CCSER1: variants seen among roughly 807,000 people sequenced by gnomAD.
CCSER1 encodes coiled-coil serine rich protein 1.
Under a neutral mutation model 82.0 loss-of-function variants are expected in CCSER1, and 41 were observed. The observed-to-expected ratio is 0.50, with a 90% CI of 0.39 to 0.65. CCSER1 has a LOEUF of 0.65. Ranked by LOEUF, CCSER1 falls within the 30% of genes least tolerant of loss-of-function variation. The pLI is 0.00. For missense variants in CCSER1, 1,119 were observed against 1,064.2 expected, an observed-to-expected ratio of 1.05 and a Z score of -0.72; for synonymous variants, 414 against 383.9, an observed-to-expected ratio of 1.08 and a Z score of -0.92.
intron 9 of CCSER1, among the ~76,000 whole-genome samples, chr4:90,959,436 G>A (rs1733838548): frequency 6.6e-6 from 1 of 152,122 alleles, no homozygotes; most frequent in African/African-American, 2.4e-5. Flanking sequence ...TAAACAAACT[G>A]AGACTCAGGG....
At chr4:91,271,411 A>AC (rs1169228458) in intron 10 of CCSER1, among the ~76,000 whole-genome samples, 9 of 151,402 alleles carry the variant, frequency 5.9e-5, no homozygotes, top group African/African-American at 1.7e-4. Context: ...TTCATCTCTC[A>AC]CCCCCTTCCC....
chr4:90,381,591 C>T (rs76027216), intron 3 of CCSER1, among the ~76,000 whole-genome samples: 31 of 152,016 alleles, frequency 2.0e-4, no homozygotes, highest in African/African-American at 7.2e-4. Context: ...TAATCATGGT[C>T]ACTTTGTTTC....
chr4:91,311,426 CAT>C (rs1381665937), intron 10 of CCSER1, among the ~76,000 whole-genome samples: 6 of 151,880 alleles, frequency 4.0e-5, no homozygotes, highest in African/African-American at 1.4e-4. Flanking sequence ...GACACTTTGA[CAT>C]AGATTTTTTT....
chr4:91,218,467 G>A (rs1326260327), intron 10 of CCSER1, among the ~76,000 whole-genome samples: 1 of 152,234 alleles, frequency 6.6e-6, no homozygotes, highest in African/African-American at 2.4e-5. Flanking sequence ...CAAAGTGGGA[G>A]CCCAGGCAGG....
chr4:90,608,631 AATAG>A (rs944104949), intron 5 of CCSER1, among the ~76,000 whole-genome samples: 21 of 152,178 alleles, frequency 1.4e-4, no homozygotes, highest in African/African-American at 4.6e-4. Context: ...GTAGATAACT[AATAG>A]ATACTATTAA....
chr4:90,958,713 C>T (rs1292466515), intron 9 of CCSER1, among the ~76,000 whole-genome samples: 1 of 152,134 alleles, frequency 6.6e-6, no homozygotes, highest in African/African-American at 2.4e-5. Flanking sequence ...TCCAGAGTGA[C>T]TGCCACATGA....
chr4:90,825,428 CA>C (rs1025495791), intron 8 of CCSER1, among the ~76,000 whole-genome samples: 3 of 152,054 alleles, frequency 2.0e-5, no homozygotes, highest in Non-Finnish European at 4.4e-5. Context: ...AGTAATTTAA[CA>C]AACGCAACAA....
intron 9 of CCSER1, among the ~76,000 whole-genome samples, chr4:90,993,390 CTATAA>C (rs1340996780): frequency 2.6e-5 from 4 of 151,860 alleles, no homozygotes; most frequent in African/African-American, 9.7e-5. Flanking sequence ...TAATTTGCAG[CTATAA>C]TGGATAACTA....
chr4:91,259,653 C>G (rs960532858), intron 10 of CCSER1, among the ~76,000 whole-genome samples: 1 of 149,846 alleles, frequency 6.7e-6, no homozygotes, highest in Non-Finnish European at 1.5e-5. Context: ...CATGTGTTCT[C>G]ATTGTTCAAC....
intron 10 of CCSER1, among the ~76,000 whole-genome samples, chr4:91,326,218 G>A (rs552887465): frequency 2.6e-5 from 4 of 152,208 alleles, no homozygotes; most frequent in Admixed American, 6.5e-5. Context: ...AGAACTACCC[G>A]AGACTGGGTA....
At position 90,803,316 on chromosome 4, in the gene CCSER1, A is replaced by G. The variant is rs1029756718; in HGVS notation, c.2011-12446A>G. ...CCACAGTGGTTTGCTGCACCCATCA[A>G]CCTGTCACGTACTTTAGGTATTTCT... On this transcript the variant is annotated intron_variant, in intron 7 of 10. Transcript: ENST00000509176. Among the ~76,000 whole-genome samples, 28 of 152,144 alleles carry G rather than the reference A, an allele frequency of 1.8e-4. 1 individual carries two copies. Among genetic ancestry groups the G allele is most frequent in the Middle Eastern group, 6.8e-3 (2 of 294 alleles).
intron 10 of CCSER1, among the ~76,000 whole-genome samples, chr4:91,229,288 C>CAA (rs59877595): frequency 8.9e-4 from 123 of 138,226 alleles, no homozygotes; most frequent in African/African-American, 2.5e-3. Flanking sequence ...CAAAAACCTG[C>CAA]AAAAAAAAAA....
intron 10 of CCSER1, among the ~76,000 whole-genome samples, chr4:91,195,457 A>C (rs945500063): frequency 6.6e-6 from 1 of 152,146 alleles, no homozygotes; most frequent in South Asian, 2.1e-4. Context: ...ACTTAATGGG[A>C]AATTTTGTGG....
chr4:91,443,821 A>G (rs989069257), intron 10 of CCSER1, among the ~76,000 whole-genome samples: 1 of 150,638 alleles, frequency 6.6e-6, no homozygotes, highest in African/African-American at 2.4e-5. Flanking sequence ...TGATTAGATA[A>G]CCATCCAATT....
At chr4:90,540,264 CAT>C (rs1208829569) in intron 5 of CCSER1, among the ~76,000 whole-genome samples, 1 of 152,102 alleles carries the variant, frequency 6.6e-6, no homozygotes, top group East Asian at 1.9e-4. Flanking sequence ...GTATAAAACA[CAT>C]ATTTCAGATT....
intron 10 of CCSER1, among the ~76,000 whole-genome samples, chr4:91,596,898 C>T (rs190159297): frequency 2.6e-5 from 4 of 151,982 alleles, no homozygotes; most frequent in African/African-American, 9.7e-5. Flanking sequence ...ACATCACAGA[C>T]ATCAAGACAA....
intron 7 of CCSER1, among the ~76,000 whole-genome samples, chr4:90,792,805 C>T (rs1755450874): frequency 6.6e-6 from 1 of 152,176 alleles, no homozygotes; most frequent in Non-Finnish European, 1.5e-5. Flanking sequence ...TTTCCTGTGG[C>T]TAGACTAATT....
chr4:91,141,041 C>G (rs1728975994), intron 10 of CCSER1, among the ~76,000 whole-genome samples: 1 of 152,058 alleles, frequency 6.6e-6, no homozygotes, highest in South Asian at 2.1e-4. Context: ...TTAGCTCCCA[C>G]TTAAAAGTGA....
At chr4:90,924,636 C>A (rs927808018) in intron 9 of CCSER1, among the ~76,000 whole-genome samples, 1 of 152,006 alleles carries the variant, frequency 6.6e-6, no homozygotes, top group African/African-American at 2.4e-5. Flanking sequence ...ATTTTATGGT[C>A]CTTAAAGAGT....
Sources: allele counts gnomAD v4.1 joint callset (sites outside exome capture counted in the v4.1 genomes callset), GRCh38; gene constraint gnomAD v4.1.1; transcripts MANE v1.5; gene names NCBI Gene and HGNC (gene_info 2026-07-23, HGNC 2026-07-21).